The following ANKRD30A variants were observed in gnomAD, a reference collection of about 807,000 sequenced individuals.
The protein encoded by ANKRD30A is ankyrin repeat domain 30A.
In ANKRD30A, 170 loss-of-function variants were observed where a neutral mutation model predicts 166.3. The ratio of observed to expected loss-of-function variants is 1.02; its 90% CI spans 0.90 to 1.16. ANKRD30A has a LOEUF of 1.16. Among genes scored for constraint, ANKRD30A ranks in the 50% most tolerant of loss-of-function variants. ANKRD30A has a pLI of 0.00. For missense variants in ANKRD30A, 1,630 were observed against 1,518.0 expected (o/e 1.07, Z -1.23); for synonymous variants, 564 against 508.9 (o/e 1.11, Z -1.46).
At chr10:37,162,621 T>C in intron 15 of ANKRD30A, 28 bp from the exon 16 acceptor site, 2 of 1,611,692 alleles carry the variant, frequency 1.2e-6, no homozygotes, top group South Asian at 1.1e-5. Context: ...TTACATATGA[T>C]TGATGATAAA....
chr10:37,236,692 G>A (rs1485712019), downstream of ANKRD30A, among the ~76,000 whole-genome samples: 1 of 152,160 alleles, frequency 6.6e-6, no homozygotes, highest in Admixed American at 6.5e-5. Context: ...TTGTCTTTGT[G>A]TGTACCAATT....
chr10:37,191,997 C>T (rs1032512368), intron 25 of ANKRD30A, among the ~76,000 whole-genome samples: 6 of 151,970 alleles, frequency 3.9e-5, no homozygotes, highest in African/African-American at 1.5e-4. Flanking sequence ...TATAAAAAGC[C>T]TCTGGAAGTT....
chr10:37,135,195 C>T (rs1279651915), intron 5 of ANKRD30A: 2 of 152,208 alleles, frequency 1.3e-5, no homozygotes. Context: ...AGCTAAGCCT[C>T]ATCCATCATT....
chr10:37,229,043 T>C (rs1843293481), intron 34 of ANKRD30A, among the ~76,000 whole-genome samples: 2 of 152,036 alleles, frequency 1.3e-5, no homozygotes, highest in Non-Finnish European at 2.9e-5. Flanking sequence ...GAAGGTTTGC[T>C]CAGCTATATG....
rs1282775723 is a variant in ANKRD30A at position 37,183,292 on chromosome 10, T to C, written c.2422-6175T>C. Among the ~76,000 whole-genome samples, 17 of 146,400 alleles carry C rather than the reference T, an allele frequency of 1.2e-4. No homozygotes were observed. In the East Asian group the frequency reaches 2.7e-3, roughly 23 times the overall value. On this transcript the variant is annotated intron_variant, in intron 24 of 35. Transcript: ENST00000361713. ...GTCTGAAAAATTTTAGTTTACACTT[T>C]TTAGAAAATATCAGTAAATAGGAGA...
At chr10:37,208,451 T>G (rs1842107865) in intron 31 of ANKRD30A, among the ~76,000 whole-genome samples, 1 of 152,164 alleles carries the variant, frequency 6.6e-6, no homozygotes, top group Admixed American at 6.6e-5. Context: ...TATCCGCTTC[T>G]GCCACAGTAC....
Position 37,213,980 on chromosome 10 carries a change from C to T in ANKRD30A, c.2870-2201C>T, listed in dbSNP as rs182003400. Among the ~76,000 whole-genome samples the T allele has an allele frequency of 5.3e-5, 8 of 151,696 alleles. No homozygotes were observed. The East Asian group carries it at 1.6e-3, about 30-fold the overall frequency. Reference sequence around the variant, plus strand: ...TCACATTCTTGCCGATTTTCTGCCTCTCATTTTACCACTTGAGTAAGGGGT... The same window carrying T: ...TCACATTCTTGCCGATTTTCTGCCTTTCATTTTACCACTTGAGTAAGGGGT... On this transcript the variant is annotated intron_variant, in intron 31 of 35. Transcript: ENST00000361713.
At position 37,153,610 on chromosome 10, in the gene ANKRD30A, A is replaced by G. The variant is rs746191043; in HGVS notation, c.1746A>G (p.Leu582=). 4 of 1,611,968 alleles carry G rather than the reference A, an allele frequency of 2.5e-6. No individual in the cohort carries two copies. The African/African-American group carries it at 5.3e-5, about 22-fold the overall frequency. ...CTGTTTCACAGAAGGATGTGTGTTT[A>G]CCCAAGGCTACACATCAAAAAGAAA... ...CETVSQKDVC[L]PKATHQKEID... Residue 582 remains leucine (L), a synonymous_variant, in exon 13 of 36, where the codon TTA becomes TTG. Coordinates refer to ENST00000361713, the MANE Select transcript of ANKRD30A (RefSeq NM_052997.3).
chr10:37,195,433 CTG>C (rs1175505277), intron 27 of ANKRD30A, among the ~76,000 whole-genome samples: 4 of 152,028 alleles, frequency 2.6e-5, no homozygotes, highest in African/African-American at 4.8e-5. Flanking sequence ...CTCATATAAA[CTG>C]TGAAAATTCT....
At position 37,190,741 on chromosome 10, in the gene ANKRD30A, G is replaced by C. The variant is rs929709097; in HGVS notation, c.2512+1184G>C. On this transcript the variant is annotated intron_variant, in intron 25 of 35. Coordinates refer to ENST00000361713, the MANE Select transcript of ANKRD30A (RefSeq NM_052997.3). Reference sequence around the variant, plus strand: ...AGTGTGGGTGCTCTGGAGACTACTGGAATCATGAGGATTACTAGAATTGGA... The same window carrying C: ...AGTGTGGGTGCTCTGGAGACTACTGCAATCATGAGGATTACTAGAATTGGA... Among the ~76,000 whole-genome samples the C allele has an allele frequency of 3.3e-5, 5 of 151,614 alleles. 1 individual carries two copies. Among genetic ancestry groups the C allele is most frequent in the African/African-American group, 9.7e-5 (4 of 41,140 alleles).
downstream of ANKRD30A, among the ~76,000 whole-genome samples, chr10:37,235,153 T>G (rs1843615794): frequency 6.6e-6 from 1 of 152,248 alleles, no homozygotes; most frequent in Non-Finnish European, 1.5e-5. Context: ...CACTTTTTTA[T>G]CTACTTAGCC....
chr10:37,167,451 G>A (rs1176603795), intron 19 of ANKRD30A, among the ~76,000 whole-genome samples: 2 of 151,326 alleles, frequency 1.3e-5, no homozygotes, highest in South Asian at 2.1e-4. Context: ...CATGATACAC[G>A]AAACCAGACT....
At chr10:37,144,770 T>G (rs182730096) in intron 7 of ANKRD30A, among the ~76,000 whole-genome samples, 2 of 152,258 alleles carry the variant, frequency 1.3e-5, no homozygotes, top group East Asian at 1.9e-4. Flanking sequence ...TTAATCAAAT[T>G]TTTAATTTTT....
At chr10:37,214,838 A>G (rs1174930657) in intron 31 of ANKRD30A, among the ~76,000 whole-genome samples, 1 of 151,262 alleles carries the variant, frequency 6.6e-6, no homozygotes, top group Non-Finnish European at 1.5e-5. Context: ...TGTAGCTTTC[A>G]TTAAGTTTAG....
chr10:37,196,712 C>T (rs548836699), intron 27 of ANKRD30A, among the ~76,000 whole-genome samples: 2 of 152,166 alleles, frequency 1.3e-5, no homozygotes, highest in East Asian at 3.9e-4. Context: ...GATCAAGAAG[C>T]ATTCAGATGA....
At chr10:37,158,727 T>A in intron 15 of ANKRD30A, 141 bp downstream of exon 15, 4 of 1,324,790 alleles carry the variant, frequency 3.0e-6, no homozygotes, top group Non-Finnish European at 3.1e-6. Context: ...ATGTGAGTAT[T>A]TCTGTTTGAG....
chr10:37,229,393 G>A (rs1333525754), intron 34 of ANKRD30A, among the ~76,000 whole-genome samples: 1 of 151,948 alleles, frequency 6.6e-6, no homozygotes, highest in Non-Finnish European at 1.5e-5. Context: ...TTTATGGGAT[G>A]TAGAGTAACA....
At chr10:37,194,512 T>G (rs951137076) in intron 27 of ANKRD30A, among the ~76,000 whole-genome samples, 5 of 151,970 alleles carry the variant, frequency 3.3e-5, no homozygotes, top group African/African-American at 1.2e-4. Context: ...GGCTAATGTT[T>G]TGTATTTTTA....
At chr10:37,245,082 T>C in the ANKRD30A span, among the ~76,000 whole-genome samples, 1 of 152,210 alleles carries the variant, frequency 6.6e-6, no homozygotes, top group East Asian at 1.9e-4. Context: ...GATAATACTG[T>C]ATTCTCACAC....
Sources: allele counts gnomAD v4.1 joint callset (sites outside exome capture counted in the v4.1 genomes callset), GRCh38; gene constraint gnomAD v4.1.1; transcripts MANE v1.5; gene names NCBI Gene and HGNC (gene_info 2026-07-23, HGNC 2026-07-21).